SNTG1: variants seen among roughly 807,000 people sequenced by gnomAD.
SNTG1 encodes the protein gamma-1-syntrophin.
Under a neutral mutation model 74.7 loss-of-function variants are expected in SNTG1, and 39 were observed. The ratio of observed to expected loss-of-function variants is 0.52; its 90% CI spans 0.40 to 0.68. The LOEUF (loss-of-function observed/expected upper bound fraction) is 0.68. Among genes scored for constraint, SNTG1 ranks in the 30% least tolerant of loss-of-function variants. The probability of loss-of-function intolerance (pLI) is 0.00; values close to 1 mark genes in which losing one functional copy is unlikely to be tolerated. For missense variants in SNTG1, 685 were observed against 609.5 expected, an observed-to-expected ratio of 1.12 and a Z score of -1.30; for synonymous variants, 254 against 217.1, an observed-to-expected ratio of 1.17 and a Z score of -1.49.
chr8:50,673,962 A>C (rs912558027), intron 15 of SNTG1, among the ~76,000 whole-genome samples: 2 of 151,308 alleles, frequency 1.3e-5, no homozygotes, highest in Admixed American at 6.6e-5. Context: ...TGGTTCTGTC[A>C]ATGTGATGAA....
chr8:50,072,313 T>C lies in SNTG1; in HGVS notation c.-102-100248T>C, dbSNP rs73571392. Among the ~76,000 whole-genome samples the C allele has an allele frequency of 3.4e-3, 515 of 152,324 alleles. 2 individuals carry two copies. The highest frequency in any genetic ancestry group is 0.012 in the African/African-American group (486 of 41,568). On this transcript the variant is annotated intron_variant, in intron 1 of 18. Coordinates refer to ENST00000642720, the MANE Select transcript of SNTG1 (RefSeq NM_018967.5). ...TGACTTAACATAGTGCTGAGACATA[T>C]AGGTATCCAATAAGTAATATTATTT...
At position 49,969,140 on chromosome 8, in the gene SNTG1, A is replaced by G. The variant is rs16914116; in HGVS notation, c.-103+56909A>G. On this transcript the variant is annotated intron_variant, in intron 1 of 18. Coordinates refer to ENST00000642720, the MANE Select transcript of SNTG1 (RefSeq NM_018967.5). ...TGGTGGCTTGTATGTGTGCTGCTTA[A>G]CTCAAAATCTTCTGCATTGATTATT... is the stretch of plus-strand genomic sequence containing the variant. 5.3e-3 allele frequency among the ~76,000 whole-genome samples: 814 copies of G among 152,276 alleles called. 12 individuals carry two copies. Among genetic ancestry groups the G allele is most frequent in the African/African-American group, 0.019 (770 of 41,550 alleles).
intron 2 of SNTG1, among the ~76,000 whole-genome samples, chr8:50,225,674 T>C (rs959247880): frequency 1.3e-5 from 2 of 152,214 alleles, no homozygotes; most frequent in Non-Finnish European, 2.9e-5. Flanking sequence ...GCCAACGCCA[T>C]TAATATTTCT....
intron 1 of SNTG1, among the ~76,000 whole-genome samples, chr8:50,021,979 GAAGAAGAAA>G (rs1416822025): frequency 8.0e-5 from 12 of 150,640 alleles, no homozygotes; most frequent in African/African-American, 2.7e-4. Context: ...AAAAGAAGAA[GAAGAAGAAA>G]AAGAAGGAAA....
At chr8:50,533,914 G>A (rs1332638143) in intron 10 of SNTG1, among the ~76,000 whole-genome samples, 1 of 152,100 alleles carries the variant, frequency 6.6e-6, no homozygotes, top group East Asian at 1.9e-4. Flanking sequence ...TCATGTATTG[G>A]TGATTAGTCA....
At chr8:50,192,482 T>A (rs1336132422) in intron 2 of SNTG1, among the ~76,000 whole-genome samples, 1 of 152,178 alleles carries the variant, frequency 6.6e-6, no homozygotes, top group Non-Finnish European at 1.5e-5. Context: ...ATTCATATCC[T>A]TAGCCCACAT....
At chr8:50,709,781 T>A (rs999865632) in intron 17 of SNTG1, among the ~76,000 whole-genome samples, 1 of 152,200 alleles carries the variant, frequency 6.6e-6, no homozygotes, top group East Asian at 1.9e-4. Context: ...TTCCCTCTCA[T>A]TGAGGATCTC....
chr8:49,995,883 A>G (rs761922459), intron 1 of SNTG1, among the ~76,000 whole-genome samples: 4 of 152,176 alleles, frequency 2.6e-5, no homozygotes, highest in Non-Finnish European at 5.9e-5. Context: ...CTTATGCCCT[A>G]AAGTTTTTTC....
intron 17 of SNTG1, among the ~76,000 whole-genome samples, chr8:50,709,346 C>A (rs748965920): frequency 6.6e-6 from 1 of 151,908 alleles, no homozygotes; most frequent in Non-Finnish European, 1.5e-5. Flanking sequence ...CCTGCATCAA[C>A]TTCTGCAATA....
intron 2 of SNTG1, among the ~76,000 whole-genome samples, chr8:50,224,164 T>C (rs2085209538): frequency 6.6e-6 from 1 of 152,174 alleles, no homozygotes; most frequent in Non-Finnish European, 1.5e-5. Context: ...TAATGTACAT[T>C]ACAGAAAACT....
At chr8:50,638,456 G>T (rs1002627452) in intron 13 of SNTG1, among the ~76,000 whole-genome samples, 5 of 151,956 alleles carry the variant, frequency 3.3e-5, no homozygotes, top group Admixed American at 1.3e-4. Context: ...GATTTTCCTG[G>T]ATTGCTTTCT....
intron 2 of SNTG1, among the ~76,000 whole-genome samples, chr8:50,227,958 C>T (rs1193718599): frequency 7.2e-6 from 1 of 138,434 alleles, no homozygotes; most frequent in Admixed American, 7.1e-5. Flanking sequence ...CCATTATAAG[C>T]AAAACACAGT....
At chr8:50,718,333 G>A (rs570434339) in intron 17 of SNTG1, among the ~76,000 whole-genome samples, 3 of 152,258 alleles carry the variant, frequency 2.0e-5, no homozygotes, top group South Asian at 4.1e-4. Context: ...GAGGAACTTT[G>A]GACTTCATGT....
intron 2 of SNTG1, among the ~76,000 whole-genome samples, chr8:50,360,997 C>A (rs1431356643): frequency 6.6e-6 from 1 of 152,132 alleles, no homozygotes; most frequent in Non-Finnish European, 1.5e-5. Context: ...TTCACTTAAA[C>A]TTTTAATGAT....
intron 1 of SNTG1, among the ~76,000 whole-genome samples, chr8:50,117,187 C>T (rs902285659): frequency 1.3e-5 from 2 of 151,998 alleles, no homozygotes; most frequent in Non-Finnish European, 2.9e-5. Context: ...CTTTGTTTTA[C>T]ATATGCCTGA....
intron 18 of SNTG1, among the ~76,000 whole-genome samples, chr8:50,765,449 G>A (rs890988304): frequency 1.5e-4 from 23 of 151,858 alleles, no homozygotes; most frequent in African/African-American, 5.1e-4. Flanking sequence ...AACTTGTCAC[G>A]TGTTGTGAGG....
intron 2 of SNTG1, among the ~76,000 whole-genome samples, chr8:50,306,216 G>T (rs1006549750): frequency 1.4e-4 from 22 of 151,874 alleles, no homozygotes; most frequent in African/African-American, 5.3e-4. Context: ...TTGCTGCAAA[G>T]GACGTTATTT....
chr8:50,564,340 A>C lies in SNTG1; in HGVS notation c.810+11161A>C, dbSNP rs1278099590. Among the ~76,000 whole-genome samples, 3 of 152,154 alleles carry C rather than the reference A, an allele frequency of 2.0e-5. No homozygotes were observed. The East Asian group carries it at 5.8e-4, about 29-fold the overall frequency. On this transcript the variant is annotated intron_variant, in intron 12 of 18. Transcript: ENST00000642720. ...GTATATTTACTGATTTTGTACAATA[A>C]TATATAAACATATATAGAAAACAAC...
At chr8:49,980,521 C>CACAAAAAAA (rs1812578737) in intron 1 of SNTG1, among the ~76,000 whole-genome samples, 1 of 53,840 alleles carries the variant, frequency 1.9e-5, no homozygotes, top group African/African-American at 7.4e-5. Flanking sequence ...GACTCCTTCG[C>CACAAAAAAA]AAAAAAAAAA....
Sources: gnomAD v4.1 joint callset for allele counts (sites outside exome capture counted in the v4.1 genomes callset) on GRCh38, gnomAD v4.1.1 for gene constraint, MANE v1.5 for transcripts, NCBI Gene and HGNC (gene_info 2026-07-23, HGNC 2026-07-21) for gene names.